Variants in CHSY3 observed in about 807,000 individuals in gnomAD.
The protein encoded by CHSY3 is chondroitin sulfate synthase 3, also known as N-acetylgalactosaminyl-proteoglycan 3-beta-glucuronosyltransferase 3.
A neutral mutation model predicts 67.2 loss-of-function variants in CHSY3; 35 were observed. The observed-to-expected ratio is 0.52, with a 90% CI of 0.40 to 0.69. The LOEUF (loss-of-function observed/expected upper bound fraction) is 0.69. Among genes scored for constraint, CHSY3 ranks in the 30% least tolerant of loss-of-function variants. The probability of loss-of-function intolerance (pLI) is 0.00; values close to 1 mark genes in which losing one functional copy is unlikely to be tolerated. For synonymous variants in CHSY3, 474 were observed against 434.7 expected (o/e 1.09, Z -1.12); for missense variants, 1,069 against 1,138.5 (o/e 0.94, Z 0.88).
chr5:129,958,884 A>G (rs1280980444), intron 2 of CHSY3, among the ~76,000 whole-genome samples: 1 of 152,004 alleles, frequency 6.6e-6, no homozygotes, highest in Non-Finnish European at 1.5e-5. Context: ...TTTTAGAGAG[A>G]GATTATTTTT....
intron 2 of CHSY3, among the ~76,000 whole-genome samples, chr5:130,121,101 G>T (rs1768007271): frequency 6.6e-6 from 1 of 152,184 alleles, no homozygotes; most frequent in African/African-American, 2.4e-5. Flanking sequence ...CAAGGGTAGG[G>T]CTGTGTCTTT....
chr5:130,100,714 T>A (rs1013423469), intron 2 of CHSY3, among the ~76,000 whole-genome samples: 4 of 152,230 alleles, frequency 2.6e-5, no homozygotes, highest in Admixed American at 2.6e-4. Context: ...ACTAACTTTA[T>A]GAAGTTCATT....
intron 2 of CHSY3, among the ~76,000 whole-genome samples, chr5:129,912,128 A>G (rs1260436867): frequency 1.3e-5 from 2 of 152,170 alleles, no homozygotes; most frequent in African/African-American, 4.8e-5. Context: ...TGCATTACAA[A>G]TATCTGTTTC....
intron 2 of CHSY3, among the ~76,000 whole-genome samples, chr5:130,078,030 A>G (rs1331749570): frequency 1.3e-5 from 2 of 152,100 alleles, no homozygotes; most frequent in African/African-American, 4.8e-5. Context: ...GTTGAACTGT[A>G]TTACAATACT....
chr5:129,942,450 G>A (rs1379789064), intron 2 of CHSY3, among the ~76,000 whole-genome samples: 6 of 151,890 alleles, frequency 4.0e-5, no homozygotes, highest in Admixed American at 3.9e-4. Context: ...TTTTGAATAT[G>A]GATTTTATTT....
chr5:130,098,739 A>C (rs1488062734), intron 2 of CHSY3, among the ~76,000 whole-genome samples: 4 of 152,206 alleles, frequency 2.6e-5, no homozygotes, highest in Admixed American at 2.6e-4. Flanking sequence ...GAGAAAACTA[A>C]AAGCAATAAA....
intron 2 of CHSY3, among the ~76,000 whole-genome samples, chr5:130,101,551 CG>C (rs1392725517): frequency 6.6e-6 from 1 of 152,042 alleles, no homozygotes; most frequent in East Asian, 1.9e-4. Context: ...AAGTCAATCT[CG>C]TTATCATACC....
At chr5:130,115,277 T>C (rs977007205) in intron 2 of CHSY3, among the ~76,000 whole-genome samples, 2 of 152,070 alleles carry the variant, frequency 1.3e-5, no homozygotes, top group Non-Finnish European at 2.9e-5. Flanking sequence ...AACATAATCA[T>C]CTTGTGAACA....
rs1488734142 is a variant in CHSY3 at position 130,185,906 on chromosome 5, G to A, written c.*115G>A. 3.4e-6 allele frequency: 2 copies of A among 586,826 alleles called. No individual in the cohort carries two copies. Among genetic ancestry groups the A allele is most frequent in the Non-Finnish European group, 5.0e-6 (2 of 398,840 alleles). The allele number at this position is 586,826 out of a possible 1,614,324, so 36.4% of individuals were successfully genotyped here. ...ATTATTATTGTTATAATTTTATTTT[G>A]TTGTCCTGGTCTTAAACTACTCTTG... On this transcript the variant is annotated 3_prime_UTR_variant, in exon 3 of 3. Transcript: ENST00000305031.
At chr5:130,118,248 C>A (rs1702554320) in intron 2 of CHSY3, among the ~76,000 whole-genome samples, 1 of 152,108 alleles carries the variant, frequency 6.6e-6, no homozygotes, top group African/African-American at 2.4e-5. Context: ...TAAGAATGGA[C>A]TAAGAGAATT....
At chr5:129,947,202 A>T (rs979070699) in intron 2 of CHSY3, among the ~76,000 whole-genome samples, 1 of 152,182 alleles carries the variant, frequency 6.6e-6, no homozygotes, top group Non-Finnish European at 1.5e-5. Context: ...AAAGCCCATT[A>T]TAAAGCCATC....
chr5:129,944,272 A>G (rs1401005607), intron 2 of CHSY3, among the ~76,000 whole-genome samples: 1 of 152,218 alleles, frequency 6.6e-6, no homozygotes, highest in Non-Finnish European at 1.5e-5. Context: ...GTTGTTCTAG[A>G]CTGGTAATGC....
intron 2 of CHSY3, among the ~76,000 whole-genome samples, chr5:130,046,444 T>A (rs1177717351): frequency 3.3e-5 from 5 of 152,150 alleles, no homozygotes. Flanking sequence ...ATGGTTTGGG[T>A]TTGACCTTAA....
chr5:130,012,265 A>C (rs1402427734), intron 2 of CHSY3, among the ~76,000 whole-genome samples: 3 of 152,220 alleles, frequency 2.0e-5, no homozygotes, highest in Non-Finnish European at 4.4e-5. Context: ...CCACTGGGAC[A>C]GGTTAAATAA....
chr5:129,921,844 A>G (rs1348339116), intron 2 of CHSY3, among the ~76,000 whole-genome samples: 1 of 152,012 alleles, frequency 6.6e-6, no homozygotes, highest in Non-Finnish European at 1.5e-5. Flanking sequence ...TTGTGTTAGG[A>G]ACATCCCAAT....
intron 2 of CHSY3, among the ~76,000 whole-genome samples, chr5:130,095,552 A>G (rs778987940): frequency 2.0e-5 from 3 of 152,268 alleles, no homozygotes; most frequent in Non-Finnish European, 4.4e-5. Flanking sequence ...GAATCAATGA[A>G]TAAGGTGGTT....
intron 2 of CHSY3, among the ~76,000 whole-genome samples, chr5:129,981,832 G>GT (rs550375422): frequency 1.3e-5 from 2 of 152,124 alleles, no homozygotes; most frequent in Non-Finnish European, 2.9e-5. Context: ...CTAGATGTGG[G>GT]TTTTTTTGTA....
chr5:129,957,192 T>C (rs1004296484), intron 2 of CHSY3, among the ~76,000 whole-genome samples: 3 of 152,074 alleles, frequency 2.0e-5, no homozygotes, highest in African/African-American at 7.2e-5. Flanking sequence ...TCCGTCGTTA[T>C]CTATGTTTCT....
chr5:130,051,883 T>G (rs953190132), intron 2 of CHSY3, among the ~76,000 whole-genome samples: 7 of 150,474 alleles, frequency 4.7e-5, no homozygotes, highest in African/African-American at 1.5e-4. Context: ...TACATTGAGA[T>G]GACAGAAAAA....
Sources: gnomAD v4.1 joint callset for allele counts (sites outside exome capture counted in the v4.1 genomes callset) on GRCh38, gnomAD v4.1.1 for gene constraint, MANE v1.5 for transcripts, NCBI Gene and HGNC (gene_info 2026-07-23, HGNC 2026-07-21) for gene names.